The following GPC6 variants were observed in gnomAD, a reference collection of about 807,000 sequenced individuals.
GPC6 encodes the protein glypican-6.
GPC6 carries 14 observed loss-of-function variants against 55.2 expected under a neutral mutation model. That is an observed-to-expected ratio of 0.25 (90% confidence interval 0.17 to 0.40). The LOEUF is 0.40. GPC6 is among the 10% of genes least tolerant of loss of function. GPC6 has a pLI of 1.00. For missense variants in GPC6, 641 were observed against 708.5 expected (o/e 0.90, Z 1.08); for synonymous variants, 278 against 259.6 (o/e 1.07, Z -0.68).
intron 1 of GPC6, among the ~76,000 whole-genome samples, chr13:93,463,458 C>A (rs901996368): frequency 6.6e-6 from 1 of 152,076 alleles, no homozygotes; most frequent in African/African-American, 2.4e-5. Flanking sequence ...TGTGAAGCAC[C>A]GTTCTTAGTG....
chr13:94,295,908 A>G (rs1486734910), intron 5 of GPC6, among the ~76,000 whole-genome samples: 1 of 152,056 alleles, frequency 6.6e-6, no homozygotes, highest in Non-Finnish European at 1.5e-5. Flanking sequence ...TTCTCTATTC[A>G]AATTCTATTT....
Position 94,305,846 on chromosome 13 carries a change from T to A in GPC6, c.1009-134T>A, listed in dbSNP as rs10492630. Reference sequence around the variant, plus strand: ...ATATTAGTGGTTATACTTGTTTACATTTCAAAATTAGAGTTTATTGGAGGT... The same window carrying A: ...ATATTAGTGGTTATACTTGTTTACAATTCAAAATTAGAGTTTATTGGAGGT... On this transcript the variant is annotated intron_variant, in intron 5 of 8. Transcript: ENST00000377047. 290,602 of 838,066 alleles carry A rather than the reference T, an allele frequency of 0.35. 52,980 individuals carry two copies. The highest frequency in any genetic ancestry group is 0.45 in the African/African-American group (26,865 of 59,886). The allele number at this position is 838,066 out of a possible 1,614,324, so 51.9% of individuals were successfully genotyped here. A position where few individuals can be genotyped will look rare whatever the true frequency, so the allele number is the denominator to read the frequency against.
intron 2 of GPC6, among the ~76,000 whole-genome samples, chr13:93,565,858 G>A (rs1331825288): frequency 6.6e-6 from 1 of 150,734 alleles, no homozygotes; most frequent in Non-Finnish European, 1.5e-5. Flanking sequence ...GGAGGCGGAG[G>A]TTGCAGTGAG....
intron 6 of GPC6, among the ~76,000 whole-genome samples, chr13:94,329,803 C>T (rs981528235): frequency 6.6e-6 from 1 of 151,966 alleles, no homozygotes; most frequent in Admixed American, 6.6e-5. Context: ...TCTTCTCTTA[C>T]CTTGGTCCTA....
chr13:93,672,148 G>GTTT (rs5805816), intron 2 of GPC6, among the ~76,000 whole-genome samples: 13 of 134,118 alleles, frequency 9.7e-5, no homozygotes, highest in Admixed American at 1.6e-4. Context: ...TAAGTTCTGG[G>GTTT]TTTTTTTTTT....
chr13:93,991,698 C>T (rs1566637820), intron 3 of GPC6, among the ~76,000 whole-genome samples: 1 of 152,054 alleles, frequency 6.6e-6, no homozygotes. Context: ...CTTTTCAACA[C>T]ACAGGAAATA....
chr13:94,388,717 C>CT (rs1317909111), intron 7 of GPC6, among the ~76,000 whole-genome samples: 1 of 152,168 alleles, frequency 6.6e-6, no homozygotes, highest in Non-Finnish European at 1.5e-5. Context: ...GGCTTATAGA[C>CT]AATGGCCTCC....
chr13:94,126,669 G>T (rs1425894248), intron 4 of GPC6, among the ~76,000 whole-genome samples: 2 of 152,090 alleles, frequency 1.3e-5, no homozygotes, highest in African/African-American at 4.8e-5. Context: ...AGTAACAGGG[G>T]TAATAGGAGG....
chr13:93,836,889 G>T (rs940944415), intron 3 of GPC6, among the ~76,000 whole-genome samples: 1 of 152,118 alleles, frequency 6.6e-6, no homozygotes, highest in East Asian at 1.9e-4. Context: ...GAAAGTCCAG[G>T]TGTCAGTAGA....
the GPC6 span, among the ~76,000 whole-genome samples, chr13:93,218,384 T>C: frequency 6.6e-6 from 1 of 152,206 alleles, no homozygotes; most frequent in African/African-American, 2.4e-5. Context: ...CCTTACATGT[T>C]TGATGTAAAT....
At chr13:93,754,556 T>C (rs945077791) in intron 2 of GPC6, among the ~76,000 whole-genome samples, 2 of 152,090 alleles carry the variant, frequency 1.3e-5, no homozygotes, top group African/African-American at 4.8e-5. Flanking sequence ...TGTCAAAGGG[T>C]ACCCTTTATT....
intron 1 of GPC6, among the ~76,000 whole-genome samples, chr13:93,299,730 A>C (rs1475504388): frequency 6.6e-6 from 1 of 152,212 alleles, no homozygotes; most frequent in Non-Finnish European, 1.5e-5. Flanking sequence ...ACTTGTAGAA[A>C]ATTTGTAAAA....
chr13:94,167,196 T>C (rs892083098), intron 4 of GPC6, among the ~76,000 whole-genome samples: 23 of 152,168 alleles, frequency 1.5e-4, no homozygotes, highest in African/African-American at 5.3e-4. Flanking sequence ...CAACTTATGG[T>C]CCAAAGTATT....
At chr13:94,294,400 T>C (rs554036608) in intron 5 of GPC6, among the ~76,000 whole-genome samples, 22 of 145,626 alleles carry the variant, frequency 1.5e-4, no homozygotes, top group Non-Finnish European at 2.7e-4. Flanking sequence ...TAATTTTCTC[T>C]AGACAGTTTT....
intron 4 of GPC6, among the ~76,000 whole-genome samples, chr13:94,222,874 C>A (rs1201475971): frequency 6.6e-6 from 1 of 152,142 alleles, no homozygotes; most frequent in Admixed American, 6.6e-5. Flanking sequence ...ATCAGTGCAG[C>A]AATGCCTCAC....
chr13:93,428,100 A>T (rs1877217532), intron 1 of GPC6, among the ~76,000 whole-genome samples: 1 of 152,146 alleles, frequency 6.6e-6, no homozygotes, highest in Non-Finnish European at 1.5e-5. Context: ...GTTTTTGGAT[A>T]TTCTGCCAAA....
intron 3 of GPC6, among the ~76,000 whole-genome samples, chr13:93,897,417 G>A (rs944342747): frequency 1.3e-5 from 2 of 151,956 alleles, no homozygotes; most frequent in Admixed American, 6.6e-5. Flanking sequence ...TTATGTGAAT[G>A]TATCAAATTA....
chr13:94,114,096 C>CAAAAAAAA (rs10581935), intron 4 of GPC6, among the ~76,000 whole-genome samples: 1 of 34,366 alleles, frequency 2.9e-5, no homozygotes, highest in African/African-American at 1.1e-4. Context: ...TTAGCTTTAT[C>CAAAAAAAA]AAAAAAAAAA....
At chr13:94,138,009 C>A (rs540048561) in intron 4 of GPC6, among the ~76,000 whole-genome samples, 1 of 152,248 alleles carries the variant, frequency 6.6e-6, no homozygotes, top group African/African-American at 2.4e-5. Context: ...TCCTCCTTTC[C>A]ATATTTAAGA....
Sources: allele counts gnomAD v4.1 joint callset (sites outside exome capture counted in the v4.1 genomes callset), GRCh38; gene constraint gnomAD v4.1.1; transcripts MANE v1.5; gene names NCBI Gene and HGNC (gene_info 2026-07-23, HGNC 2026-07-21).